The following DNAAF4 variants were observed in gnomAD, a reference collection of about 807,000 sequenced individuals.
DNAAF4 encodes dynein assembly factor 4, axonemal.
DNAAF4 carries 43 observed loss-of-function variants against 51.8 expected under a neutral mutation model. The observed-to-expected ratio is 0.83, with a 90% CI of 0.65 to 1.07. DNAAF4 has a LOEUF of 1.07. Among genes scored for constraint, DNAAF4 ranks in the 50% least tolerant of loss-of-function variants. The probability of loss-of-function intolerance (pLI) is 0.00; values close to 1 mark genes in which losing one functional copy is unlikely to be tolerated. For synonymous variants in DNAAF4, 194 were observed against 165.6 expected (o/e 1.17, Z -1.32); for missense variants, 581 against 493.0 (o/e 1.18, Z -1.69).
intron 6 of DNAAF4, among the ~76,000 whole-genome samples, chr15:55,447,866 G>A (rs2057862488): frequency 6.9e-6 from 1 of 145,486 alleles, no homozygotes; most frequent in Admixed American, 6.9e-5. Flanking sequence ...GGAGAGGGGA[G>A]AGGGGAGAGG....
chr15:55,457,177 C>T (rs2058032711), intron 5 of DNAAF4, among the ~76,000 whole-genome samples: 1 of 152,156 alleles, frequency 6.6e-6, no homozygotes, highest in Non-Finnish European at 1.5e-5. Context: ...CTCAGCCCTG[C>T]TCACCAACTG....
chr15:55,488,594 G>A (rs1343602673), intron 4 of DNAAF4, among the ~76,000 whole-genome samples: 1 of 152,122 alleles, frequency 6.6e-6, no homozygotes, highest in African/African-American at 2.4e-5. Context: ...ACTTGATAAT[G>A]GCTATAATAA....
At chr15:55,440,528 A>G (rs2414416) in intron 6 of DNAAF4, among the ~76,000 whole-genome samples, 106,376 of 150,748 alleles carry the variant, frequency 0.71, 37,837 homozygotes, top group East Asian at 0.9. Context: ...ACAGGCACCC[A>G]CCACCACACC....
chr15:55,443,328 G>A lies in DNAAF4; in HGVS notation c.784-3747C>T, dbSNP rs2057744438. 2.9e-5 allele frequency: 31 copies of A among 1,056,258 alleles called. No individual in the cohort carries two copies. The South Asian group carries it at 3.9e-4, about 13-fold the overall frequency. The allele number at this position is 1,056,258 out of a possible 1,614,324, so 65.4% of individuals were successfully genotyped here. A position where few individuals can be genotyped will look rare whatever the true frequency, so the allele number is the denominator to read the frequency against. On this transcript the variant is annotated intron_variant, in intron 6 of 9. Coordinates refer to ENST00000321149, the MANE Select transcript of DNAAF4 (RefSeq NM_130810.4). ...GCGGCTGGCAAAGGGCCCCCAGCGT[G>A]CGGAGGCGCCTGGCGCAGCTCCTCA...
intron 4 of DNAAF4, among the ~76,000 whole-genome samples, chr15:55,476,167 T>C (rs1442402784): frequency 6.6e-6 from 1 of 152,140 alleles, no homozygotes; most frequent in Non-Finnish European, 1.5e-5. Flanking sequence ...AGATACACTT[T>C]TTTAAAAAAG....
At chr15:55,480,383 G>A (rs1219441027) in intron 4 of DNAAF4, among the ~76,000 whole-genome samples, 1 of 152,090 alleles carries the variant, frequency 6.6e-6, no homozygotes, top group African/African-American at 2.4e-5. Context: ...CACTGTAGCA[G>A]GGACCTTAAC....
At chr15:55,489,283 G>A (rs1483255411) in intron 4 of DNAAF4, among the ~76,000 whole-genome samples, 3 of 150,780 alleles carry the variant, frequency 2.0e-5, no homozygotes, top group Non-Finnish European at 2.9e-5. Context: ...AAATCAAAAG[G>A]CCAACAGCTG....
chr15:55,426,243 A>G (rs999313312), downstream of DNAAF4, among the ~76,000 whole-genome samples: 1 of 152,182 alleles, frequency 6.6e-6, no homozygotes, highest in Non-Finnish European at 1.5e-5. Context: ...CACTGATCTT[A>G]GGAGCAGTTT....
chr15:55,477,694 G>T (rs549225246), intron 4 of DNAAF4, among the ~76,000 whole-genome samples: 1 of 151,866 alleles, frequency 6.6e-6, no homozygotes, highest in African/African-American at 2.4e-5. Flanking sequence ...ACATATATGT[G>T]CATGTTTTTT....
At chr15:55,443,894 G>A (rs1257249865) in intron 6 of DNAAF4, among the ~76,000 whole-genome samples, 3 of 152,126 alleles carry the variant, frequency 2.0e-5, no homozygotes, top group Admixed American at 1.3e-4. Flanking sequence ...CGATGGGGTT[G>A]TTTTTTTCTT....
At chr15:55,450,464 TC>T in intron 5 of DNAAF4, 97 bp from the exon 6 acceptor site, 2 of 1,300,342 alleles carry the variant, frequency 1.5e-6, no homozygotes. Flanking sequence ...CACCCCCAAA[TC>T]CTAAACAAAT....
At chr15:55,484,653 A>G (rs751119425) in intron 4 of DNAAF4, among the ~76,000 whole-genome samples, 14 of 152,168 alleles carry the variant, frequency 9.2e-5, no homozygotes, top group Non-Finnish European at 1.8e-4. Context: ...ATAGATAGAT[A>G]TATATAAAGG....
intron 4 of DNAAF4, among the ~76,000 whole-genome samples, chr15:55,471,623 C>T (rs987620220): frequency 9.9e-5 from 15 of 151,708 alleles, no homozygotes; most frequent in South Asian, 8.3e-4. Context: ...ATGCCATTCT[C>T]CTGCCTCAGC....
At position 55,498,597 on chromosome 15, in the gene DNAAF4, A is replaced by AAAAAAAAAAAAAAAAAAAAAC. The variant is rs1358345592; in HGVS notation, c.-255-14_-255-13insGTTTTTTTTTTTTTTTTTTTT. 1 of 271,496 alleles carries AAAAAAAAAAAAAAAAAAAAAC rather than the reference A, an allele frequency of 3.7e-6. No homozygotes were observed. Among genetic ancestry groups the AAAAAAAAAAAAAAAAAAAAAC allele is most frequent in the African/African-American group, 3.1e-5 (1 of 32,388 alleles). 16.8% of individuals were successfully genotyped at this position (271,496 alleles called of 1,614,324 possible). A position where few individuals can be genotyped will look rare whatever the true frequency, so the allele number is the denominator to read the frequency against. On this transcript the variant is annotated splice_polypyrimidine_tract_variant and intron_variant, in intron 1 of 9. Transcript: ENST00000321149. Reference sequence around the variant, plus strand: ...AGACCCATACCCTCTGCTTGAGAAAAAAAAAAAAAAAAAAAAGCACTCTGT... The same window carrying AAAAAAAAAAAAAAAAAAAAAC: ...AGACCCATACCCTCTGCTTGAGAAAAAAAAAAAAAAAAAAAAAAAACAAAAAAAAAAAAAAAAGCACTCTGT...
chr15:55,489,816 T>C (rs1225955812), intron 4 of DNAAF4, among the ~76,000 whole-genome samples: 2 of 151,460 alleles, frequency 1.3e-5, no homozygotes, highest in Non-Finnish European at 2.9e-5. Flanking sequence ...TCTTAAATAA[T>C]GCGTATTATA....
At chr15:55,504,102 A>G (rs1300216210) in intron 1 of DNAAF4, among the ~76,000 whole-genome samples, 1 of 152,198 alleles carries the variant, frequency 6.6e-6, no homozygotes, top group Non-Finnish European at 1.5e-5. Flanking sequence ...TCAATGTGCA[A>G]AAATCACAAG....
In DNAAF4 at chr15:55,430,510, TCAAA is replaced by T. The variant is rs2057476073; in HGVS notation, c.*156_*159del. 12 of 1,221,368 alleles carry T rather than the reference TCAAA, an allele frequency of 9.8e-6. No homozygotes were observed. In the South Asian group the frequency reaches 2.9e-4, roughly 29 times the overall value. 75.7% of individuals were successfully genotyped at this position (1,221,368 alleles called of 1,614,324 possible). On this transcript the variant is annotated 3_prime_UTR_variant, in exon 10 of 10. Transcript: ENST00000321149. Reference sequence around the variant, plus strand: ...TTTACTTATTCAGAAATGATTCAAGTCAAACAGTTTATTTTCTATAGATTTATAA... The same window carrying T: ...TTTACTTATTCAGAAATGATTCAAGTCAGTTTATTTTCTATAGATTTATAA...
intron 7 of DNAAF4, among the ~76,000 whole-genome samples, chr15:55,425,066 T>C (rs113949701): frequency 2.6e-5 from 4 of 152,140 alleles, no homozygotes; most frequent in African/African-American, 9.6e-5. Context: ...GGTTTCTCCA[T>C]GTTGGTCAGG....
intron 6 of DNAAF4, among the ~76,000 whole-genome samples, chr15:55,448,773 G>A (rs952640635): frequency 6.6e-6 from 1 of 150,988 alleles, no homozygotes; most frequent in Non-Finnish European, 1.5e-5. Context: ...GGGAGGCTGA[G>A]GCAAGAGAAT....
Sources: gnomAD v4.1 joint callset for allele counts (sites outside exome capture counted in the v4.1 genomes callset) on GRCh38, gnomAD v4.1.1 for gene constraint, MANE v1.5 for transcripts, NCBI Gene and HGNC (gene_info 2026-07-23, HGNC 2026-07-21) for gene names.